Variants in IL15 observed in about 807,000 individuals in gnomAD.
The protein encoded by IL15 is interleukin-15.
IL15 carries 11 observed loss-of-function variants against 19.6 expected under a neutral mutation model. That is an observed-to-expected ratio of 0.56 (90% CI 0.35 to 0.93). The LOEUF (loss-of-function observed/expected upper bound fraction) is 0.93, where lower values mean the gene tolerates loss of function less well. Ranked by LOEUF, IL15 falls within the 40% of genes least tolerant of loss-of-function variation. The pLI, the probability that IL15 is intolerant of heterozygous loss-of-function variation, is 0.01. For missense variants in IL15, 197 were observed against 186.5 expected (o/e 1.06, Z -0.33); for synonymous variants, 58 against 59.6 (o/e 0.97, Z 0.12).
Position 141,722,011 on chromosome 4 carries a change from G to C in IL15, c.195+3G>C, listed in dbSNP as rs758623855. On this transcript the variant is annotated splice_donor_region_variant and intron_variant, in intron 5 of 7. Coordinates refer to ENST00000320650, the MANE Select transcript of IL15 (RefSeq NM_000585.5). ...AAAAAATTGAAGATCTTATTCAAGT[G>C]AGTACTCATTTTTCCATAAAATGCC... 6.3e-7 allele frequency: 1 copy of C among 1,577,066 alleles called. No individual in the cohort carries two copies.
At chr4:141,708,078 C>T (rs1729584944) in intron 2 of IL15, among the ~76,000 whole-genome samples, 1 of 152,152 alleles carries the variant, frequency 6.6e-6, no homozygotes, top group South Asian at 2.1e-4. Context: ...GAGTAGGTTG[C>T]CACATGACCA....
At chr4:141,672,374 A>G (rs1383886180) in intron 2 of IL15, among the ~76,000 whole-genome samples, 1 of 152,182 alleles carries the variant, frequency 6.6e-6, no homozygotes, top group Admixed American at 6.5e-5. Context: ...TATATAACCA[A>G]TGGTTACAGA....
chr4:141,733,839 T>G lies in IL15; in HGVS notation c.*991T>G, dbSNP rs546677766. On this transcript the variant is annotated 3_prime_UTR_variant, in exon 8 of 8. Transcript: ENST00000320650. ...TTTATATAATAATAAAGAAAAACCCTGTTGATTTGTTGGAGCCATTGTTAT... is the reference window on the plus strand; with the variant it reads ...TTTATATAATAATAAAGAAAAACCCGGTTGATTTGTTGGAGCCATTGTTAT... The G allele has an allele frequency of 6.6e-6, 1 of 152,216 alleles. No individual in the cohort carries two copies. The highest frequency in any genetic ancestry group is 1.5e-5 in the Non-Finnish European group (1 of 68,032). The allele number at this position is 152,216 out of a possible 1,614,324, so 9.4% of individuals were successfully genotyped here. A position where few individuals can be genotyped will look rare whatever the true frequency, so the allele number is the denominator to read the frequency against.
chr4:141,713,993 C>T (rs907763836), intron 2 of IL15, among the ~76,000 whole-genome samples: 2 of 152,050 alleles, frequency 1.3e-5, no homozygotes, highest in Non-Finnish European at 1.5e-5. Flanking sequence ...ACTCCACAAC[C>T]ATTCACAACA....
In IL15 at chr4:141,672,915, C is replaced by T. The variant is rs370494726; in HGVS notation, c.-100+16608C>T. 3.5e-4 allele frequency among the ~76,000 whole-genome samples: 53 copies of T among 152,266 alleles called. No homozygotes were observed. In the East Asian group the frequency reaches 4.1e-3, roughly 12 times the overall value. On this transcript the variant is annotated intron_variant, in intron 2 of 7. Coordinates refer to ENST00000320650, the MANE Select transcript of IL15 (RefSeq NM_000585.5). ...TCTCCCTACCTGTAAGTCCCAGTTT[C>T]CATGTCACTTCCTCCACAAAGTCTT...
intron 2 of IL15, among the ~76,000 whole-genome samples, chr4:141,669,283 G>A (rs1394255923): frequency 1.3e-5 from 2 of 152,282 alleles, no homozygotes; most frequent in Middle Eastern, 3.4e-3. Flanking sequence ...AAAGTGCCTG[G>A]AATTTAGACA....
intron 6 of IL15, 117 bp from the exon 7 acceptor site, chr4:141,729,730 A>C (rs1309378497): frequency 1.7e-6 from 1 of 597,674 alleles, no homozygotes; most frequent in Non-Finnish European, 2.9e-6. Flanking sequence ...AAATTTCTTA[A>C]GGATATTGTG....
At chr4:141,680,446 T>C (rs1454660024) in intron 2 of IL15, among the ~76,000 whole-genome samples, 2 of 152,220 alleles carry the variant, frequency 1.3e-5, no homozygotes, top group East Asian at 3.9e-4. Flanking sequence ...GTTCTGTTTC[T>C]GTCGAACACT....
At chr4:141,676,754 A>T (rs1287863159) in intron 2 of IL15, among the ~76,000 whole-genome samples, 1 of 151,546 alleles carries the variant, frequency 6.6e-6, no homozygotes, top group Non-Finnish European at 1.5e-5. Flanking sequence ...GAAGTTATGG[A>T]TGAGATTGTA....
intron 2 of IL15, among the ~76,000 whole-genome samples, chr4:141,664,975 T>A (rs751155570): frequency 9.9e-5 from 15 of 152,180 alleles, no homozygotes; most frequent in Non-Finnish European, 2.1e-4. Context: ...AAAGTGTTCA[T>A]GTGCTATTTG....
intron 1 of IL15, among the ~76,000 whole-genome samples, chr4:141,650,121 G>A (rs147936432): frequency 6.6e-6 from 1 of 152,156 alleles, no homozygotes. Flanking sequence ...AGGAGATGGT[G>A]AAACTCCCAT....
At chr4:141,680,240 A>G (rs997736716) in intron 2 of IL15, among the ~76,000 whole-genome samples, 3 of 152,226 alleles carry the variant, frequency 2.0e-5, no homozygotes, top group African/African-American at 7.2e-5. Context: ...TGTGCTGATT[A>G]TCTAGCTTGA....
At chr4:141,672,978 C>T (rs968001923) in intron 2 of IL15, among the ~76,000 whole-genome samples, 1 of 152,212 alleles carries the variant, frequency 6.6e-6, no homozygotes, top group African/African-American at 2.4e-5. Flanking sequence ...GCATAGCACC[C>T]TCCGCTAATG....
chr4:141,709,129 A>G (rs972903129), intron 2 of IL15, among the ~76,000 whole-genome samples: 14 of 151,300 alleles, frequency 9.3e-5, no homozygotes, highest in Admixed American at 6.6e-5. Context: ...AGAATTCAAT[A>G]TTCAATTTAA....
chr4:141,712,853 G>A (rs886482237), intron 2 of IL15, among the ~76,000 whole-genome samples: 5 of 151,348 alleles, frequency 3.3e-5, no homozygotes, highest in South Asian at 2.1e-4. Flanking sequence ...CTTATTTTAA[G>A]CATTCCAAAG....
chr4:141,698,278 G>A (rs1450371494), intron 2 of IL15, among the ~76,000 whole-genome samples: 1 of 151,984 alleles, frequency 6.6e-6, no homozygotes, highest in African/African-American at 2.4e-5. Flanking sequence ...TGTTTAACAG[G>A]GATATTGTTC....
chr4:141,647,736 T>C (rs2152153968), intron 1 of IL15, among the ~76,000 whole-genome samples: 1 of 152,174 alleles, frequency 6.6e-6, no homozygotes. Context: ...TATTCTTACA[T>C]AGGGATCATC....
chr4:141,695,089 T>A (rs949668604), intron 2 of IL15, among the ~76,000 whole-genome samples: 6 of 152,034 alleles, frequency 3.9e-5, no homozygotes, highest in Admixed American at 6.6e-5. Flanking sequence ...TTTTAAAATT[T>A]AACCCAATTT....
intron 1 of IL15, among the ~76,000 whole-genome samples, chr4:141,642,466 T>G (rs1727079965): frequency 6.6e-6 from 1 of 152,196 alleles, no homozygotes; most frequent in Non-Finnish European, 1.5e-5. Context: ...CACCCTCCCT[T>G]TGGCTTCTGG....
Sources: gnomAD v4.1 joint callset for allele counts (sites outside exome capture counted in the v4.1 genomes callset) on GRCh38, gnomAD v4.1.1 for gene constraint, MANE v1.5 for transcripts, NCBI Gene and HGNC (gene_info 2026-07-23, HGNC 2026-07-21) for gene names.